PIKFYVE: variants seen among roughly 807,000 people sequenced by gnomAD.
The protein encoded by PIKFYVE is phosphoinositide kinase, FYVE-type zinc finger containing.
In PIKFYVE, 122 loss-of-function variants were observed where a neutral mutation model predicts 257.9. That is an observed-to-expected ratio of 0.47 (90% confidence interval 0.41 to 0.55). The LOEUF (loss-of-function observed/expected upper bound fraction) is 0.55, where lower values mean the gene tolerates loss of function less well. Ranked by LOEUF, PIKFYVE falls within the 20% of genes least tolerant of loss-of-function variation. The pLI is 0.00. For synonymous variants in PIKFYVE, 892 were observed against 868.9 expected (o/e 1.03, Z -0.47); for missense variants, 2,160 against 2,536.6 (o/e 0.85, Z 3.19).
intron 7 of PIKFYVE, among the ~76,000 whole-genome samples, chr2:208,291,695 T>G (rs949739717): frequency 6.6e-6 from 1 of 152,114 alleles, no homozygotes; most frequent in Non-Finnish European, 1.5e-5. Flanking sequence ...ATTAGTACTT[T>G]GTGTTTTCTC....
At position 208,326,182 on chromosome 2, in the gene PIKFYVE, C is replaced by G; in HGVS notation, c.3371C>G (p.Ser1124Cys). The part of the protein sequence containing the change: ...QGMNGSIQAK[S>C]IQVLPSHELV... ...ATGAATGGAAGTATTCAGGCCAAGTCTATTCAAGTCTTACCCTCACATGAG... is the reference window on the plus strand; with the variant it reads ...ATGAATGGAAGTATTCAGGCCAAGTGTATTCAAGTCTTACCCTCACATGAG... The change falls in exon 20 of 42, where the codon TCT (serine) becomes TGT (cysteine). Residue 1124 changes from serine to cysteine, a missense_variant. Ser to Cys is a moderately radical substitution (Grantham distance 112). This residue lies in a region of PIKFYVE where 522 missense variants were observed against 514.6 expected (regional missense o/e 1.01). Coordinates refer to ENST00000264380, the MANE Select transcript of PIKFYVE (RefSeq NM_015040.4). The G allele has an allele frequency of 6.2e-7, 1 of 1,610,938 alleles. No individual in the cohort carries two copies. The highest frequency in any genetic ancestry group is 8.5e-7 in the Non-Finnish European group (1 of 1,178,488).
rs1320110292 is a variant in PIKFYVE, at chr2:208,321,577, T to C, written c.2190+1218T>C. Among the ~76,000 whole-genome samples the C allele has an allele frequency of 1.9e-3, 251 of 135,572 alleles. 1 individual carries two copies. The highest frequency in any genetic ancestry group is 4.0e-3 in the African/African-American group (145 of 36,222). 88.9% of individuals were successfully genotyped at this position (135,572 alleles called of 152,430 possible). On this transcript the variant is annotated intron_variant, in intron 17 of 41. Transcript: ENST00000264380. Reference sequence around the variant, plus strand: ...CTTTTTTCTTTTTCTTTTCTTTTGTTTTTTTTTTTTTTTTTTTGAGACGAA... The same window carrying C: ...CTTTTTTCTTTTTCTTTTCTTTTGTCTTTTTTTTTTTTTTTTTGAGACGAA...
rs774757025 is a variant in PIKFYVE, at chr2:208,326,317, C to T, written c.3506C>T (p.Pro1169Leu). 6.8e-6 allele frequency: 11 copies of T among 1,611,418 alleles called. No homozygotes were observed. The highest frequency in any genetic ancestry group is 8.5e-6 in the Non-Finnish European group (10 of 1,178,836). ...GGRIQPKNSD[P>L]FAHSKDASST... ...AGAATTCAGCCCAAAAATTCAGACC[C>T]TTTTGCTCATTCAAAGGATGCATCA... Residue 1169 changes from proline (P) to leucine (L), a missense_variant, in exon 20 of 42, where the codon CCT becomes CTT. Physicochemically the swap from Pro to Leu is moderately conservative, Grantham distance 98. Around this residue, in one of 12 missense-constraint regions of PIKFYVE, gnomAD observed 522 missense variants for 514.6 expected, o/e 1.01. Transcript: ENST00000264380.
Position 208,333,415 on chromosome 2 carries a change from A to G in PIKFYVE, c.4064A>G (p.Asn1355Ser), listed in dbSNP as rs566298117. The part of the protein sequence containing the change: ...FYGHQYTRRA[N>S]AEPCGHSIHH... ...GGGCACCAGTATACTCGCAGAGCCA[A>G]CGCTGAGCCCTGTGGTCACTCCATC... The change falls in exon 24 of 42, where the codon AAC becomes AGC. Residue 1355 changes from asparagine to serine, a missense_variant. Around this residue, in one of 12 missense-constraint regions of PIKFYVE, gnomAD observed 699 missense variants for 855.8 expected, o/e 0.82. Transcript: ENST00000264380. 1.9e-6 allele frequency: 3 copies of G among 1,614,102 alleles called. No individual in the cohort carries two copies. The highest frequency in any genetic ancestry group is 2.7e-5 in the African/African-American group (2 of 75,032).
chr2:208,317,316 A>G (rs1470841533), intron 15 of PIKFYVE, among the ~76,000 whole-genome samples: 3 of 152,228 alleles, frequency 2.0e-5, no homozygotes, highest in East Asian at 1.9e-4. Context: ...AAAAGTGGGC[A>G]AAGGATATGA....
In PIKFYVE at chr2:208,276,721, G is replaced by C. The variant is rs774035068; in HGVS notation, c.332G>C (p.Arg111Thr). Residue 111 changes from arginine (R) to threonine (T), a missense_variant, in exon 4 of 42, where the codon AGG (arginine) becomes ACG (threonine). Coordinates refer to ENST00000264380, the MANE Select transcript of PIKFYVE (RefSeq NM_015040.4). ...QRRSSALDTR[R>T]KAEPTFGGHD... is the part of the protein sequence containing the mutation. ...TTTTAATCCAACTCAGACACAAGAA[G>C]GAAAGCAGAACCTACCTTTGGAGGT... is the stretch of plus-strand genomic sequence containing the variant. The C allele has an allele frequency of 6.2e-7, 1 of 1,613,132 alleles. No individual in the cohort carries two copies. The highest frequency in any genetic ancestry group is 1.1e-5 in the South Asian group (1 of 91,066).
chr2:208,281,507 CCTT>C (rs1690807022), intron 5 of PIKFYVE, among the ~76,000 whole-genome samples: 1 of 152,076 alleles, frequency 6.6e-6, no homozygotes. Flanking sequence ...GTGTAGTGCA[CCTT>C]CTCATGGGTC....
intron 3 of PIKFYVE, among the ~76,000 whole-genome samples, chr2:208,276,033 C>A (rs1407370762): frequency 6.6e-6 from 1 of 152,132 alleles, no homozygotes; most frequent in Non-Finnish European, 1.5e-5. Context: ...TATAAATGAT[C>A]CTTTCCTATT....
In PIKFYVE at chr2:208,350,833, ATGCG is replaced by A. The variant is rs1559176709; in HGVS notation, c.5500_5503del (p.Arg1834LysfsTer2). On this transcript the variant is annotated frameshift_variant, in exon 37 of 42. Coordinates refer to ENST00000264380, the MANE Select transcript of PIKFYVE (RefSeq NM_015040.4). LOFTEE classifies it high-confidence loss of function. ...CTACTATGCGGGAGAGTTTCATAAG[ATGCG>A]TGAAGTGATTCTGGACAGCAGTGAA... is the stretch of plus-strand genomic sequence containing the variant. 1 of 1,614,194 alleles carries A rather than the reference ATGCG, an allele frequency of 6.2e-7. No homozygotes were observed. The highest frequency in any genetic ancestry group is 1.7e-5 in the Admixed American group (1 of 60,022).
intron 15 of PIKFYVE, among the ~76,000 whole-genome samples, chr2:208,316,969 T>C (rs1343880500): frequency 1.3e-5 from 2 of 152,086 alleles, no homozygotes; most frequent in Non-Finnish European, 2.9e-5. Flanking sequence ...TTACATCTTA[T>C]ACAAAAATTA....
Position 208,304,152 on chromosome 2 carries a change from C to A in PIKFYVE, c.1321-19C>A. 1 of 1,613,720 alleles carries A rather than the reference C, an allele frequency of 6.2e-7. No homozygotes were observed. Among genetic ancestry groups the A allele is most frequent in the South Asian group, 1.1e-5 (1 of 91,070 alleles). On this transcript the variant is annotated intron_variant, in intron 10 of 41. Coordinates refer to ENST00000264380, the MANE Select transcript of PIKFYVE (RefSeq NM_015040.4). ...GCCATTGAAGGCCAATTGCTTGGAT[C>A]CTGTCTTCATCCTTTCAGAGTACAG... is the stretch of plus-strand genomic sequence containing the variant.
In PIKFYVE at chr2:208,338,016, C is replaced by T. The variant is rs535440031; in HGVS notation, c.4612-492C>T. ...GGGATTACAGGCGTAAGCCACCACA[C>T]CTGGCTCATTTTTATTTTTTTTTTC... On this transcript the variant is annotated intron_variant, in intron 28 of 41. Transcript: ENST00000264380. Among the ~76,000 whole-genome samples the T allele has an allele frequency of 4.4e-4, 67 of 152,264 alleles. 1 individual carries two copies. The South Asian group carries it at 0.013, about 30-fold the overall frequency.
intron 13 of PIKFYVE, among the ~76,000 whole-genome samples, chr2:208,313,517 T>TCTCGCTATC (rs1416100764): frequency 8.5e-5 from 13 of 152,194 alleles, no homozygotes; most frequent in African/African-American, 3.1e-4. Flanking sequence ...AATTCATCAC[T>TCTCGCTATC]CTCGCTATCA....
rs1028124520 is a variant in PIKFYVE at position 208,328,259 on chromosome 2, C to T, written c.3698C>T (p.Pro1233Leu). ...TCTTCTGCCCAGTCCAGCAATGCTC[C>T]TAGTGCCTGTGTCAGTCCTTGGTAG... ...SSSSAQSSNAPSACVSPWIVT... is the reference protein window; with the variant it reads ...SSSSAQSSNALSACVSPWIVT... Residue 1233 changes from proline to leucine, a missense_variant, in exon 21 of 42, where the codon CCT becomes CTT. Pro to Leu is a moderately conservative substitution (Grantham distance 98, BLOSUM62 -3). Around this residue, in one of 12 missense-constraint regions of PIKFYVE, gnomAD observed 522 missense variants for 514.6 expected, o/e 1.01. Coordinates refer to ENST00000264380, the MANE Select transcript of PIKFYVE (RefSeq NM_015040.4). 6.2e-7 allele frequency: 1 copy of T among 1,613,916 alleles called. No individual in the cohort carries two copies. Among genetic ancestry groups the T allele is most frequent in the South Asian group, 1.1e-5 (1 of 91,082 alleles).
intron 15 of PIKFYVE, among the ~76,000 whole-genome samples, chr2:208,316,830 A>G (rs1024789606): frequency 3.3e-5 from 5 of 152,174 alleles, no homozygotes; most frequent in Admixed American, 1.3e-4. Flanking sequence ...ATAACACTGC[A>G]TATCTACAAC....
intron 31 of PIKFYVE, 81 bp from the exon 32 acceptor site, chr2:208,342,473 C>A: frequency 9.9e-7 from 1 of 1,007,282 alleles, no homozygotes; most frequent in Non-Finnish European, 1.6e-6. Flanking sequence ...GTTATCATAT[C>A]TGCATACATT....
chr2:208,275,654 G>C (rs778093101), intron 3 of PIKFYVE, among the ~76,000 whole-genome samples: 2 of 152,144 alleles, frequency 1.3e-5, no homozygotes, highest in Non-Finnish European at 2.9e-5. Flanking sequence ...GAAATTCTTT[G>C]TAAACTTTAG....
chr2:208,334,114 C>T (rs1697861494), intron 24 of PIKFYVE, among the ~76,000 whole-genome samples: 1 of 152,216 alleles, frequency 6.6e-6, no homozygotes, highest in South Asian at 2.1e-4. Context: ...TTTGAGACAG[C>T]CTTCAGGTTC....
At chr2:208,294,466 A>AT (rs1344694320) in intron 7 of PIKFYVE, among the ~76,000 whole-genome samples, 2 of 151,954 alleles carry the variant, frequency 1.3e-5, no homozygotes, top group East Asian at 1.9e-4. Flanking sequence ...ATGCCTTGTG[A>AT]TTTTTTGTTG....
Sources: allele counts gnomAD v4.1 joint callset (sites outside exome capture counted in the v4.1 genomes callset), GRCh38; gene constraint gnomAD v4.1.1; regional missense constraint gnomAD v4.1.1; transcripts MANE v1.5; gene names NCBI Gene and HGNC (gene_info 2026-07-23, HGNC 2026-07-21).